Variants in ITSN2 observed in about 807,000 individuals in gnomAD.
ITSN2 encodes intersectin-2.
A neutral mutation model predicts 243.7 loss-of-function variants in ITSN2; 156 were observed. That is an observed-to-expected ratio of 0.64 (90% CI 0.56 to 0.73). The LOEUF (loss-of-function observed/expected upper bound fraction) is 0.73, where lower values mean the gene tolerates loss of function less well. Among genes scored for constraint, ITSN2 ranks in the 30% least tolerant of loss-of-function variants. The pLI, the probability that ITSN2 is intolerant of heterozygous loss-of-function variation, is 0.00. For synonymous variants in ITSN2, 703 were observed against 699.9 expected, an observed-to-expected ratio of 1.00 and a Z score of -0.07; for missense variants, 1,801 against 1,996.1, an observed-to-expected ratio of 0.90 and a Z score of 1.86.
intron 24 of ITSN2, among the ~76,000 whole-genome samples, chr2:24,253,246 C>T (rs1674583802): frequency 6.6e-6 from 1 of 152,120 alleles, no homozygotes; most frequent in Non-Finnish European, 1.5e-5. Flanking sequence ...ATATCATAAA[C>T]TTGAGACGAT....
intron 29 of ITSN2, among the ~76,000 whole-genome samples, chr2:24,233,598 C>T (rs1671837719): frequency 6.6e-6 from 1 of 152,186 alleles, no homozygotes; most frequent in African/African-American, 2.4e-5. Flanking sequence ...TCCAACTCTA[C>T]TACTTACTCA....
At chr2:24,294,914 T>C (rs1310309881) in intron 14 of ITSN2, among the ~76,000 whole-genome samples, 1 of 152,110 alleles carries the variant, frequency 6.6e-6, no homozygotes, top group Non-Finnish European at 1.5e-5. Context: ...CCTTTCTGCA[T>C]GTGAAGACGC....
In ITSN2 at chr2:24,246,267, T is replaced by G. The variant is rs766696152; in HGVS notation, c.3439A>C (p.Ser1147Arg). Residue 1147 changes from serine (S) to arginine (R), a missense_variant, in exon 29 of 40, where the codon AGT becomes CGT. By Grantham distance (110) the Ser-to-Arg change is moderately radical. This residue lies in a region of ITSN2 where 928 missense variants were observed against 1,065.4 expected (regional missense o/e 0.87). Coordinates refer to ENST00000355123, the MANE Select transcript of ITSN2 (RefSeq NM_006277.3). ...TTAATGAGTTGTCCCTTGGAGAAAC[T>G]GAGCTCATCTTCATTATTTGCTGCA... is the stretch of plus-strand genomic sequence containing the variant. Reference protein sequence around the residue: ...DYAANNEDELSFSKGQLINVM... With the variant: ...DYAANNEDELRFSKGQLINVM... 4 of 1,612,822 alleles carry G rather than the reference T, an allele frequency of 2.5e-6. No homozygotes were observed. Among genetic ancestry groups the G allele is most frequent in the Non-Finnish European group, 3.4e-6 (4 of 1,178,956 alleles).
intron 13 of ITSN2, 36 bp downstream of exon 13, chr2:24,298,629 T>C: frequency 6.3e-7 from 1 of 1,580,016 alleles, no homozygotes. Context: ...AGCTCCATCA[T>C]CATTCAGATA....
rs1396841219 is a variant in ITSN2 at position 24,211,807 on chromosome 2, ATATAT to A, written c.4089+838_4089+842del. 6.6e-6 allele frequency among the ~76,000 whole-genome samples: 1 copy of A among 152,176 alleles called. No homozygotes were observed. The highest frequency in any genetic ancestry group is 2.4e-5 in the African/African-American group (1 of 41,442). ...TACCCTAAGGCTCAGTTGAGGAGTC[ATATAT>A]TATATGGTATTTGAGCTACATTCCG... On this transcript the variant is annotated intron_variant, in intron 33 of 39. Coordinates refer to ENST00000355123, the MANE Select transcript of ITSN2 (RefSeq NM_006277.3). This position sits in a 1 kb window ranked among gnomAD's most constrained non-coding sequence, Gnocchi z 4.1.
chr2:24,248,989 C>T (rs905185021), intron 25 of ITSN2, 107 bp from the exon 26 acceptor site: 2 of 1,132,690 alleles, frequency 1.8e-6, no homozygotes, highest in South Asian at 2.7e-5. Flanking sequence ...ATTCTTTTCT[C>T]TTTAAATGAA....
intron 17 of ITSN2, among the ~76,000 whole-genome samples, chr2:24,280,574 G>A (rs1175056113): frequency 6.6e-6 from 1 of 152,024 alleles, no homozygotes; most frequent in African/African-American, 2.4e-5. Flanking sequence ...CTACTTTTCT[G>A]CTAGTCCTCT....
intron 15 of ITSN2, among the ~76,000 whole-genome samples, chr2:24,287,364 T>C (rs1302737991): frequency 2.0e-5 from 3 of 152,116 alleles, no homozygotes; most frequent in African/African-American, 7.2e-5. Context: ...TCTACCCATT[T>C]TCCCCTCCCT....
intron 27 of ITSN2, among the ~76,000 whole-genome samples, chr2:24,248,234 C>T (rs1334915139): frequency 1.3e-5 from 2 of 152,078 alleles, no homozygotes; most frequent in African/African-American, 2.4e-5. Context: ...AGACCACTAG[C>T]GGACAGCCCA....
chr2:24,212,797 G>A, intron 32 of ITSN2, 49 bp from the exon 33 acceptor site: 4 of 1,351,560 alleles, frequency 3.0e-6, no homozygotes, highest in African/African-American at 1.4e-5. Context: ...TCCGATCACA[G>A]GAAGCACTGG....
intron 5 of ITSN2, among the ~76,000 whole-genome samples, chr2:24,311,819 C>T (rs371185637): frequency 2.6e-5 from 4 of 152,162 alleles, no homozygotes; most frequent in African/African-American, 4.8e-5. Flanking sequence ...TCTCCCAAAT[C>T]GAACCATTTC....
intron 1 of ITSN2, among the ~76,000 whole-genome samples, chr2:24,355,560 T>C (rs1688368652): frequency 1.3e-5 from 2 of 152,206 alleles, no homozygotes; most frequent in South Asian, 4.1e-4. Context: ...ACCACTTCCT[T>C]ACACCTTATA....
intron 11 of ITSN2, 54 bp downstream of exon 11, chr2:24,301,100 G>T: frequency 1.1e-6 from 1 of 912,778 alleles, no homozygotes; most frequent in Non-Finnish European, 1.7e-6. Flanking sequence ...TACATTTAAA[G>T]GTAGAATTTA....
intron 17 of ITSN2, among the ~76,000 whole-genome samples, 176 bp downstream of exon 17, chr2:24,284,587 C>T (rs1205035031): frequency 6.6e-6 from 1 of 152,024 alleles, no homozygotes; most frequent in Non-Finnish European, 1.5e-5. Context: ...TGGCATTAGA[C>T]TCAAACAGGC....
At chr2:24,333,874 A>C (rs916580029) in intron 1 of ITSN2, among the ~76,000 whole-genome samples, 1 of 152,120 alleles carries the variant, frequency 6.6e-6, no homozygotes, top group Non-Finnish European at 1.5e-5. Flanking sequence ...AAGTCGCTTA[A>C]TTAAGGTTTA....
intron 15 of ITSN2, among the ~76,000 whole-genome samples, chr2:24,289,453 G>T (rs1679956359): frequency 6.6e-6 from 1 of 152,102 alleles, no homozygotes; most frequent in Admixed American, 6.6e-5. Flanking sequence ...TGCTGATTTT[G>T]TGTCCTACAA....
At chr2:24,212,838 TTTTATTTA>T in intron 32 of ITSN2, 90 bp from the exon 33 acceptor site, 1 of 1,036,082 alleles carries the variant, frequency 9.7e-7, no homozygotes, top group Non-Finnish European at 1.5e-6. Flanking sequence ...TTCACATTTC[TTTTATTTA>T]TTTATGTTTC....
chr2:24,353,491 G>A (rs1402533347), intron 1 of ITSN2, among the ~76,000 whole-genome samples: 6 of 152,142 alleles, frequency 3.9e-5, no homozygotes, highest in South Asian at 2.1e-4. Flanking sequence ...AGGATGGCTT[G>A]AGCCCAGGAG....
chr2:24,316,745 A>C (rs1243269034), intron 2 of ITSN2, among the ~76,000 whole-genome samples: 1 of 152,268 alleles, frequency 6.6e-6, no homozygotes, highest in Non-Finnish European at 1.5e-5. Context: ...CTGGTATATA[A>C]CTACTGGCTA....
Sources: allele counts gnomAD v4.1 joint callset (sites outside exome capture counted in the v4.1 genomes callset), GRCh38; gene constraint gnomAD v4.1.1; regional missense constraint gnomAD v4.1.1; non-coding constraint Gnocchi (gnomAD v3.1); transcripts MANE v1.5; gene names NCBI Gene and HGNC (gene_info 2026-07-23, HGNC 2026-07-21).